Variants in ANTXR1 observed in about 807,000 individuals in gnomAD.
ANTXR1 encodes anthrax toxin receptor 1.
ANTXR1 carries 19 observed loss-of-function variants against 78.1 expected under a neutral mutation model. The ratio of observed to expected loss-of-function variants is 0.24; its 90% CI spans 0.17 to 0.36. The LOEUF (loss-of-function observed/expected upper bound fraction) is 0.36, where lower values mean the gene tolerates loss of function less well. Ranked by LOEUF, ANTXR1 falls within the 10% of genes least tolerant of loss-of-function variation. The pLI is 1.00. For missense variants in ANTXR1, 518 were observed against 718.6 expected (o/e 0.72, Z 3.19); for synonymous variants, 273 against 260.5 (o/e 1.05, Z -0.46).
chr2:69,141,439 A>C (rs992424197), intron 12 of ANTXR1, among the ~76,000 whole-genome samples: 1 of 152,178 alleles, frequency 6.6e-6, no homozygotes, highest in Non-Finnish European at 1.5e-5. Flanking sequence ...CAGGCAGTGG[A>C]GTTTTAGGTT....
At chr2:69,099,442 A>G (rs763069828) in intron 9 of ANTXR1, among the ~76,000 whole-genome samples, 9 of 152,268 alleles carry the variant, frequency 5.9e-5, no homozygotes, top group African/African-American at 2.2e-4. Context: ...ATAACTTTCA[A>G]TTCTCTTGGG....
intron 17 of ANTXR1, among the ~76,000 whole-genome samples, chr2:69,195,610 A>G (rs1451835015): frequency 6.6e-6 from 1 of 152,196 alleles, no homozygotes. Context: ...CCAAATTTCT[A>G]TATGAAATTT....
intron 1 of ANTXR1, among the ~76,000 whole-genome samples, chr2:69,031,116 G>A (rs1671519290): frequency 6.6e-6 from 1 of 152,142 alleles, no homozygotes; most frequent in Admixed American, 6.6e-5. Flanking sequence ...AATATTTACT[G>A]TCTGGCCCTT....
intron 17 of ANTXR1, among the ~76,000 whole-genome samples, chr2:69,243,567 C>G (rs1388996059): frequency 1.3e-5 from 2 of 152,102 alleles, no homozygotes; most frequent in African/African-American, 4.8e-5. Context: ...TGTGGCTTGT[C>G]CCTTCTGTGG....
intron 1 of ANTXR1, among the ~76,000 whole-genome samples, chr2:69,024,242 A>C (rs536653899): frequency 1.4e-4 from 22 of 152,328 alleles, no homozygotes; most frequent in African/African-American, 5.3e-4. Context: ...CTGAACATGT[A>C]GGGCATGTGC....
At chr2:69,211,515 G>T (rs567135499) in intron 17 of ANTXR1, among the ~76,000 whole-genome samples, 1 of 152,294 alleles carries the variant, frequency 6.6e-6, no homozygotes, top group Admixed American at 6.5e-5. Flanking sequence ...CACAAGGTGT[G>T]TTTTGTGGAA....
chr2:69,115,072 C>G (rs545045253), intron 10 of ANTXR1, among the ~76,000 whole-genome samples: 1 of 152,150 alleles, frequency 6.6e-6, no homozygotes, highest in Non-Finnish European at 1.5e-5. Flanking sequence ...TGGGGAGGGG[C>G]CTGTCCTGTG....
At chr2:69,221,476 A>T (rs578117189) in intron 17 of ANTXR1, among the ~76,000 whole-genome samples, 197 of 152,294 alleles carry the variant, frequency 1.3e-3, no homozygotes, top group African/African-American at 4.4e-3. Context: ...AAAATAAAAG[A>T]GACTCAGTAG....
intron 13 of ANTXR1, among the ~76,000 whole-genome samples, chr2:69,157,764 C>G (rs148010044): frequency 7.9e-5 from 12 of 152,286 alleles, no homozygotes; most frequent in Middle Eastern, 6.8e-3. Flanking sequence ...TCTAGGATTC[C>G]GCATCTCCCA....
At chr2:69,211,466 CT>C (rs1675042805) in intron 17 of ANTXR1, among the ~76,000 whole-genome samples, 1 of 152,248 alleles carries the variant, frequency 6.6e-6, no homozygotes, top group Admixed American at 6.5e-5. Flanking sequence ...AAGAACTACA[CT>C]CCCTTAAACA....
At chr2:69,182,855 A>C in intron 16 of ANTXR1, 195 bp downstream of exon 16, 2 of 715,434 alleles carry the variant, frequency 2.8e-6, no homozygotes, top group Non-Finnish European at 4.6e-6. Flanking sequence ...GTTGAAAACT[A>C]GGCTTTTTAA....
In ANTXR1 at chr2:69,080,742, G is replaced by C. The variant is rs73934670; in HGVS notation, c.642+3254G>C. Among the ~76,000 whole-genome samples the C allele has an allele frequency of 1.7e-3, 261 of 152,210 alleles. 1 individual carries two copies. Among genetic ancestry groups the C allele is most frequent in the African/African-American group, 5.9e-3 (247 of 41,528 alleles). On this transcript the variant is annotated intron_variant, in intron 8 of 17. Coordinates refer to ENST00000303714, the MANE Select transcript of ANTXR1 (RefSeq NM_032208.3). Reference sequence around the variant, plus strand: ...ATGGCCATGAGATTAAGAGTAAAAGGGTTGACAAAGAACCCAGGTTCCTTT... The same window carrying C: ...ATGGCCATGAGATTAAGAGTAAAAGCGTTGACAAAGAACCCAGGTTCCTTT...
chr2:69,031,011 T>A lies in ANTXR1; in HGVS notation c.153-9033T>A, dbSNP rs79142805. Among the ~76,000 whole-genome samples, 1,452 of 152,296 alleles carry A rather than the reference T, an allele frequency of 9.5e-3. 23 individuals are homozygous for A. The highest frequency in any genetic ancestry group is 0.033 in the African/African-American group (1,366 of 41,560). ...AAAATTTTATTGTAGTACGGCCACA[T>A]TCATTTTGTTCATGTACTATCAATA... On this transcript the variant is annotated intron_variant, in intron 1 of 17. Transcript: ENST00000303714.
At chr2:69,145,623 T>A in intron 12 of ANTXR1, 1 of 1,264,918 alleles carries the variant, frequency 7.9e-7, no homozygotes, top group Non-Finnish European at 1.0e-6. Flanking sequence ...AATCACTCCA[T>A]GCGGTGGGCA....
intron 8 of ANTXR1, 59 bp from the exon 9 acceptor site, chr2:69,090,800 G>A: frequency 1.3e-6 from 2 of 1,573,560 alleles, no homozygotes; most frequent in South Asian, 2.2e-5. Context: ...GCAGAACCCT[G>A]ATTCTGTCTT....
chr2:69,034,040 C>A (rs1007822197), intron 1 of ANTXR1, among the ~76,000 whole-genome samples: 2 of 152,164 alleles, frequency 1.3e-5, no homozygotes, highest in Non-Finnish European at 2.9e-5. Flanking sequence ...GCATATTAGA[C>A]CCTTGGAAGT....
intron 16 of ANTXR1, among the ~76,000 whole-genome samples, chr2:69,190,642 T>TA (rs1423614464): frequency 6.6e-5 from 10 of 152,202 alleles, no homozygotes; most frequent in Admixed American, 3.9e-4. Context: ...GAGATGAAAC[T>TA]ACTCATCTAA....
At chr2:69,110,320 C>A (rs560814323) in intron 10 of ANTXR1, among the ~76,000 whole-genome samples, 94 of 151,832 alleles carry the variant, frequency 6.2e-4, no homozygotes, top group Non-Finnish European at 1.1e-3. Flanking sequence ...AAAGACTTGG[C>A]CACAAGGATA....
At chr2:69,126,883 A>T (rs1672558166) in intron 12 of ANTXR1, among the ~76,000 whole-genome samples, 1 of 152,208 alleles carries the variant, frequency 6.6e-6, no homozygotes, top group African/African-American at 2.4e-5. Flanking sequence ...TTGACCCTTG[A>T]TCAAGACCAC....
Sources: allele counts gnomAD v4.1 joint callset (sites outside exome capture counted in the v4.1 genomes callset), GRCh38; gene constraint gnomAD v4.1.1; transcripts MANE v1.5; gene names NCBI Gene and HGNC (gene_info 2026-07-23, HGNC 2026-07-21).